The following XIST variants were observed in gnomAD, a reference collection of about 807,000 sequenced individuals.
XIST encodes the protein X inactive specific transcript (non-protein coding).
At chrX:73,845,074 C>T (rs775341583) in exon 1 of XIST, 5 of 555,925 alleles carry the variant, frequency 9.0e-6, no homozygotes, top group East Asian at 3.3e-5. Context: ...AGAGTAGGAC[C>T]TTATTCAGAT....
exon 6 of XIST, chrX:73,824,385 A>G: frequency 1.8e-6 from 1 of 547,827 alleles, no homozygotes; most frequent in South Asian, 2.3e-5. Flanking sequence ...GAAAATCAAC[A>G]GTTACATTTA....
Position 73,831,579 on chromosome X carries a change from G to A in XIST, n.11544-305C>T, listed in dbSNP as rs141658505. On this transcript the variant is annotated intron_variant and non_coding_transcript_variant, in intron 3 of 5. Coordinates refer to ENST00000429829, the Ensembl canonical transcript of XIST. ...TATTCTCCAGTCTTTATTACTGAGC[G>A]ATCCTCTACAATGTGGGTTGTTAAT... is the stretch of plus-strand genomic sequence containing the variant. Among the ~76,000 whole-genome samples the A allele has an allele frequency of 7.2e-3, 801 of 111,538 alleles. 4 individuals carry two copies. The highest frequency in any genetic ancestry group is 0.025 in the African/African-American group (764 of 30,630).
exon 6 of XIST, chrX:73,827,501 G>A (rs1459556905): frequency 3.7e-6 from 2 of 535,678 alleles, no homozygotes; most frequent in African/African-American, 4.5e-5. Flanking sequence ...CGCAGGGGAG[G>A]AGAGAGAGAA....
At chrX:73,843,978 TACCC>T in exon 1 of XIST, 1 of 558,534 alleles carries the variant, frequency 1.8e-6, no homozygotes. Flanking sequence ...GGAAACAGTA[TACCC>T]CACAGTAATG....
In XIST at chrX:73,850,067, C is replaced by G. The variant is rs1266239300; in HGVS notation, n.2657G>C. ...CCTGTCTGATAAGTAGGTGATTAGT[C>G]AATTAGTGCAGCATCAAGGATGGGA... On this transcript the variant is annotated non_coding_transcript_exon_variant, in exon 1 of 6. Coordinates refer to ENST00000429829, the Ensembl canonical transcript of XIST. 5.4e-6 allele frequency: 3 copies of G among 556,829 alleles called. No individual in the cohort carries two copies. The Admixed American group carries it at 6.7e-5, about 12-fold the overall frequency. The allele number at this position is 556,829 out of a possible 1,213,427, so 45.9% of individuals were successfully genotyped here. A position where few individuals can be genotyped will look rare whatever the true frequency, so the allele number is the denominator to read the frequency against.
exon 2 of XIST, chrX:73,837,462 G>T: frequency 2.0e-6 from 1 of 502,627 alleles, no homozygotes; most frequent in Non-Finnish European, 3.6e-6. Flanking sequence ...AAGGAGACAT[G>T]ACTACTAAGG....
At chrX:73,837,297 C>T (rs1922502457) in intron 2 of XIST, 4 of 359,616 alleles carry the variant, frequency 1.1e-5, no homozygotes, top group Middle Eastern at 5.1e-4. Flanking sequence ...TGGTCTTCCT[C>T]CTAAACACTC....
At position 73,846,440 on chromosome X, in the gene XIST, G is replaced by A. The variant is rs760874437; in HGVS notation, n.6284C>T. 28 of 556,389 alleles carry A rather than the reference G, an allele frequency of 5.0e-5. No individual in the cohort carries two copies. The Admixed American group carries it at 6.2e-4, about 12-fold the overall frequency. 45.9% of individuals were successfully genotyped at this position (556,389 alleles called of 1,213,427 possible). The stretch of plus-strand genomic sequence containing the variant: ...TCCTTTTCTAGTGCATAGGATCCCA[G>A]ACGATTATAATCACACACAACATGC... On this transcript the variant is annotated non_coding_transcript_exon_variant, in exon 1 of 6. Coordinates refer to ENST00000429829, the Ensembl canonical transcript of XIST.
exon 6 of XIST, chrX:73,821,322 A>T: frequency 3.6e-6 from 2 of 554,320 alleles, no homozygotes; most frequent in Non-Finnish European, 6.5e-6. Context: ...TACAGTTCAG[A>T]TGCTTTGAAT....
rs200602026 is a variant in XIST, at chrX:73,822,231, T to C, written n.17670A>G. On this transcript the variant is annotated non_coding_transcript_exon_variant, in exon 6 of 6. Coordinates refer to ENST00000429829, the Ensembl canonical transcript of XIST. ...TGAGGGATGGACTAGGAAAATGAAG[T>C]GTCTATTATAAGGAGAGTTCCTGTA... The C allele has an allele frequency of 7.4e-5, 41 of 556,347 alleles. No individual in the cohort carries two copies. In the East Asian group the frequency reaches 1.3e-3, roughly 17 times the overall value. 45.8% of individuals were successfully genotyped at this position (556,347 alleles called of 1,213,427 possible).
exon 1 of XIST, chrX:73,850,580 A>T: frequency 1.8e-6 from 1 of 544,386 alleles, no homozygotes; most frequent in South Asian, 2.4e-5. Flanking sequence ...GCCAACGATC[A>T]TCTGTGATCC....
exon 6 of XIST, chrX:73,823,309 CTT>C (rs375977945): frequency 0.024 from 9,499 of 388,926 alleles, no homozygotes; most frequent in Admixed American, 0.032. Flanking sequence ...ATTTTTCTTT[CTT>C]TTTTTTTTTT....
chrX:73,851,980 T>C (rs761274411), exon 1 of XIST: 3 of 555,368 alleles, frequency 5.4e-6, no homozygotes, highest in East Asian at 6.5e-5. Flanking sequence ...ACCAACATTT[T>C]TTCATCCATA....
At chrX:73,826,650 C>T in exon 6 of XIST, 1 of 559,225 alleles carries the variant, frequency 1.8e-6, no homozygotes, top group Non-Finnish European at 3.2e-6. Flanking sequence ...GGGTTCTCAT[C>T]TTGGGATTTC....
chrX:73,835,851 T>C (rs1020537453), intron 2 of XIST, among the ~76,000 whole-genome samples: 2 of 112,132 alleles, frequency 1.8e-5, no homozygotes, highest in Admixed American at 1.9e-4. Flanking sequence ...ATTAAAATTA[T>C]ACTCAACATA....
chrX:73,851,752 T>C (rs926864160), exon 1 of XIST: 1 of 557,165 alleles, frequency 1.8e-6, no homozygotes, highest in African/African-American at 2.2e-5. Context: ...CTATCATCCA[T>C]CTTGCCTCCC....
intron 3 of XIST, among the ~76,000 whole-genome samples, chrX:73,831,838 T>C (rs1922390836): frequency 8.9e-6 from 1 of 112,414 alleles, no homozygotes; most frequent in Non-Finnish European, 1.9e-5. Context: ...TCAAAGTGCC[T>C]GTCAGCTAGT....
intron 5 of XIST, chrX:73,828,299 G>A (rs1922309997): frequency 4.8e-6 from 1 of 207,404 alleles, no homozygotes; most frequent in African/African-American, 2.9e-5. Context: ...TATATTGTGG[G>A]AAATGAACTT....
intron 3 of XIST, chrX:73,831,323 G>A (rs1376134771): frequency 2.1e-6 from 1 of 475,738 alleles, no homozygotes; most frequent in Admixed American, 2.9e-5. Flanking sequence ...CACTGGGAAA[G>A]TCTGTTCTAA....
Sources: gnomAD v4.1 joint callset for allele counts (sites outside exome capture counted in the v4.1 genomes callset) on GRCh38, gnomAD v4.1.1 for gene constraint, MANE v1.5 for transcripts, NCBI Gene and HGNC (gene_info 2026-07-23, HGNC 2026-07-21) for gene names.